The following ITPR2 variants were observed in gnomAD, a reference collection of about 807,000 sequenced individuals.
ITPR2 encodes inositol 1,4,5-trisphosphate receptor type 2.
A neutral mutation model predicts 317.1 loss-of-function variants in ITPR2; 207 were observed. The observed-to-expected ratio is 0.65, with a 90% CI of 0.58 to 0.73. The LOEUF (loss-of-function observed/expected upper bound fraction) is 0.73, where lower values mean the gene tolerates loss of function less well. ITPR2 is among the 30% of genes least tolerant of loss of function. ITPR2 has a pLI of 0.00. For synonymous variants in ITPR2, 1,156 were observed against 1,149.1 expected (o/e 1.01, Z -0.12); for missense variants, 2,613 against 3,284.0 (o/e 0.80, Z 4.99).
chr12:26,672,370 C>T (rs557888130), intron 13 of ITPR2, among the ~76,000 whole-genome samples: 3 of 152,182 alleles, frequency 2.0e-5, no homozygotes, highest in Non-Finnish European at 4.4e-5. Flanking sequence ...ACAGTGCAAT[C>T]GAACTAGAAC....
chr12:26,581,225 C>T (rs1410243951), intron 32 of ITPR2, among the ~76,000 whole-genome samples: 1 of 152,134 alleles, frequency 6.6e-6, no homozygotes, highest in Non-Finnish European at 1.5e-5. Flanking sequence ...TAAAAGAGAA[C>T]ATTTTCCTTC....
chr12:26,698,389 A>G (rs1037319014), intron 9 of ITPR2, among the ~76,000 whole-genome samples: 1 of 152,258 alleles, frequency 6.6e-6, no homozygotes, highest in African/African-American at 2.4e-5. Flanking sequence ...AATGAACATG[A>G]CGAGCTTCTC....
intron 55 of ITPR2, among the ~76,000 whole-genome samples, chr12:26,346,467 AC>A (rs956440880): frequency 2.0e-5 from 3 of 152,134 alleles, no homozygotes; most frequent in African/African-American, 7.2e-5. Context: ...TGCTAAAATT[AC>A]AAAAATTAGC....
At chr12:26,475,240 T>A in intron 45 of ITPR2, 56 bp downstream of exon 45, 1 of 1,597,452 alleles carries the variant, frequency 6.3e-7, no homozygotes, top group Non-Finnish European at 8.6e-7. Context: ...AAGCCATGGA[T>A]ACAAAACACG....
chr12:26,412,645 T>C (rs1940585331), intron 51 of ITPR2, among the ~76,000 whole-genome samples: 1 of 151,998 alleles, frequency 6.6e-6, no homozygotes, highest in African/African-American at 2.4e-5. Context: ...TGTAATACAT[T>C]AGAGGAGGAA....
intron 32 of ITPR2, among the ~76,000 whole-genome samples, chr12:26,593,737 G>T (rs12827305): frequency 0.029 from 416 of 14,270 alleles, 2 homozygotes; most frequent in South Asian, 0.096. Flanking sequence ...CTATTTTTTT[G>T]TTTTTTTTTT....
At chr12:26,554,352 T>C (rs114252846) in intron 36 of ITPR2, among the ~76,000 whole-genome samples, 183 of 152,346 alleles carry the variant, frequency 1.2e-3, no homozygotes, top group African/African-American at 4.4e-3. Context: ...ATAATTTAAA[T>C]AACCATGTGT....
At chr12:26,493,891 T>A (rs965111851) in intron 39 of ITPR2, 4 of 298,048 alleles carry the variant, frequency 1.3e-5, no homozygotes, top group African/African-American at 6.6e-5. Context: ...TGTGTGCAGG[T>A]GAGCATATTG....
At chr12:26,669,143 T>A (rs1026757008) in intron 13 of ITPR2, among the ~76,000 whole-genome samples, 6 of 151,548 alleles carry the variant, frequency 4.0e-5, no homozygotes, top group African/African-American at 1.5e-4. Flanking sequence ...ATTATTATTA[T>A]AATTATTTAA....
At chr12:26,680,648 C>G (rs1195680304) in intron 13 of ITPR2, among the ~76,000 whole-genome samples, 9 of 152,176 alleles carry the variant, frequency 5.9e-5, no homozygotes, top group Admixed American at 5.2e-4. Flanking sequence ...CTAGTTTTCA[C>G]CCAATCCATT....
intron 21 of ITPR2, among the ~76,000 whole-genome samples, chr12:26,640,252 G>A (rs1946954541): frequency 1.3e-5 from 2 of 152,120 alleles, no homozygotes; most frequent in Admixed American, 1.3e-4. Context: ...GATTGATCCT[G>A]CCCTATTAAC....
chr12:26,561,862 GC>G lies in ITPR2; in HGVS notation c.4720del (p.Ala1574GlnfsTer36), dbSNP rs770343011. ...AGCTGATAGTCTCCAACCCATTGCT[GC>G]TCTCTGCACCATATTTGAATGGCTC... ...MKSHSNMVQR[A>X]AMGWRLSARS... On this transcript the variant is annotated frameshift_variant, in exon 35 of 57. Transcript: ENST00000381340. LOFTEE classifies it high-confidence loss of function. The G allele has an allele frequency of 6.3e-7, 1 of 1,598,132 alleles. No homozygotes were observed. The highest frequency in any genetic ancestry group is 8.5e-7 in the Non-Finnish European group (1 of 1,176,082).
chr12:26,700,110 G>A (rs543421229), intron 9 of ITPR2, among the ~76,000 whole-genome samples: 8 of 152,142 alleles, frequency 5.3e-5, no homozygotes, highest in Non-Finnish European at 1.0e-4. Context: ...AATACAGTCA[G>A]CTGAAATACA....
intron 13 of ITPR2, among the ~76,000 whole-genome samples, chr12:26,678,995 C>G (rs1900942): frequency 0.84 from 128,238 of 152,224 alleles, 54,063 homozygotes; most frequent in Admixed American, 0.89. Context: ...CTGTGCATAT[C>G]TAAGAGTGTT....
At chr12:26,468,029 AC>A (rs1942210222) in intron 45 of ITPR2, among the ~76,000 whole-genome samples, 1 of 152,216 alleles carries the variant, frequency 6.6e-6, no homozygotes, top group South Asian at 2.1e-4. Flanking sequence ...CATACATGAC[AC>A]AAAGAACAAT....
intron 55 of ITPR2, among the ~76,000 whole-genome samples, chr12:26,351,039 A>G (rs1346788035): frequency 6.6e-6 from 1 of 152,212 alleles, no homozygotes; most frequent in Non-Finnish European, 1.5e-5. Context: ...ACGGCTGGCA[A>G]GCTACAAGGC....
intron 36 of ITPR2, among the ~76,000 whole-genome samples, chr12:26,554,830 G>T (rs1944621937): frequency 6.6e-6 from 1 of 151,784 alleles, no homozygotes; most frequent in Non-Finnish European, 1.5e-5. Context: ...CAGGTGCAGA[G>T]TTCTCACATG....
intron 2 of ITPR2, among the ~76,000 whole-genome samples, chr12:26,786,449 TAAA>T (rs59014121): frequency 0.39 from 45,875 of 118,914 alleles, 9,415 homozygotes; most frequent in Non-Finnish European, 0.51. Flanking sequence ...GAATGATCAA[TAAA>T]AAAAAAAAAA....
chr12:26,733,758 T>A (rs1012386047), intron 2 of ITPR2, among the ~76,000 whole-genome samples: 2 of 152,328 alleles, frequency 1.3e-5, no homozygotes, highest in Admixed American at 1.3e-4. Context: ...GCCACTACAC[T>A]AGATGTAAGT....
Sources: gnomAD v4.1 joint callset for allele counts (sites outside exome capture counted in the v4.1 genomes callset) on GRCh38, gnomAD v4.1.1 for gene constraint, MANE v1.5 for transcripts, NCBI Gene and HGNC (gene_info 2026-07-23, HGNC 2026-07-21) for gene names.